KCNH5: variants seen among roughly 807,000 people sequenced by gnomAD.
KCNH5 encodes the protein voltage-gated delayed rectifier potassium channel KCNH5.
KCNH5 carries 46 observed loss-of-function variants against 96.1 expected under a neutral mutation model. That is an observed-to-expected ratio of 0.48 (90% confidence interval 0.38 to 0.61). The LOEUF (loss-of-function observed/expected upper bound fraction) is 0.61, where lower values mean the gene tolerates loss of function less well. Among genes scored for constraint, KCNH5 ranks in the 20% least tolerant of loss-of-function variants. The probability of loss-of-function intolerance (pLI) is 0.00; values close to 1 mark genes in which losing one functional copy is unlikely to be tolerated. For missense variants in KCNH5, 907 were observed against 1,225.8 expected, an observed-to-expected ratio of 0.74 and a Z score of 3.88; for synonymous variants, 439 against 449.8, an observed-to-expected ratio of 0.98 and a Z score of 0.30.
chr14:62,970,609 TA>T (rs1010598913), intron 6 of KCNH5, among the ~76,000 whole-genome samples: 7 of 152,188 alleles, frequency 4.6e-5, no homozygotes, highest in African/African-American at 1.4e-4. Flanking sequence ...ATATTTGATT[TA>T]AAAAAATTTA....
intron 7 of KCNH5, among the ~76,000 whole-genome samples, chr14:62,932,804 T>C (rs1031722110): frequency 6.6e-6 from 1 of 152,098 alleles, no homozygotes; most frequent in Non-Finnish European, 1.5e-5. Context: ...ACAGTTCCAT[T>C]AGAAGTTCAA....
chr14:62,821,441 G>T (rs1421379486), intron 8 of KCNH5, among the ~76,000 whole-genome samples: 1 of 151,920 alleles, frequency 6.6e-6, no homozygotes. Flanking sequence ...TAAACACAGG[G>T]GAAATATATT....
chr14:62,970,391 T>A (rs150260735), intron 6 of KCNH5, among the ~76,000 whole-genome samples: 36 of 152,164 alleles, frequency 2.4e-4, no homozygotes, highest in African/African-American at 7.7e-4. Context: ...GGTTCACAAG[T>A]GAAATTTATC....
At chr14:62,773,494 C>T (rs764542267) in intron 10 of KCNH5, among the ~76,000 whole-genome samples, 1 of 152,160 alleles carries the variant, frequency 6.6e-6, no homozygotes, top group Non-Finnish European at 1.5e-5. Flanking sequence ...AAGCAGGCAC[C>T]TGGTCTTTTA....
intron 10 of KCNH5, among the ~76,000 whole-genome samples, chr14:62,717,249 A>G (rs1162740448): frequency 6.6e-6 from 1 of 152,240 alleles, no homozygotes; most frequent in Non-Finnish European, 1.5e-5. Context: ...TTTCATCAAA[A>G]TTTCAACAGC....
intron 7 of KCNH5, among the ~76,000 whole-genome samples, chr14:62,893,843 A>G (rs1451874552): frequency 1.3e-5 from 2 of 152,240 alleles, no homozygotes. Context: ...ATTGTGGGTA[A>G]AATCAAACAA....
chr14:62,841,698 T>G (rs901745683), intron 8 of KCNH5, among the ~76,000 whole-genome samples: 8 of 152,238 alleles, frequency 5.3e-5, no homozygotes, highest in African/African-American at 1.9e-4. Context: ...TGAAATGTAT[T>G]ATAACCGCAA....
chr14:62,792,250 T>A (rs1475744), intron 9 of KCNH5, among the ~76,000 whole-genome samples: 87,003 of 151,170 alleles, frequency 0.58, 25,327 homozygotes, highest in South Asian at 0.8. Flanking sequence ...TCATAAATAC[T>A]AGCTTGAAGA....
At chr14:62,858,113 ACAT>A (rs1177294754) in intron 7 of KCNH5, among the ~76,000 whole-genome samples, 4 of 152,204 alleles carry the variant, frequency 2.6e-5, no homozygotes, top group Non-Finnish European at 4.4e-5. Flanking sequence ...ACAAGTATAT[ACAT>A]GCACAAACAC....
Position 62,708,179 on chromosome 14 carries a change from C to A in KCNH5, c.2296G>T (p.Ala766Ser). 6.2e-7 allele frequency: 1 copy of A among 1,614,210 alleles called. No homozygotes were observed. The highest frequency in any genetic ancestry group is 8.5e-7 in the Non-Finnish European group (1 of 1,180,044). ...AGGGATTCACTGGTTTTCACATAGG[C>A]CAGAGACGTCTGAATGGGAGTAATC... ...SQITPIQTSL[A>S]YVKTSESLKQ... The change falls in exon 11 of 11, where the codon GCC (alanine) becomes TCC (serine). Residue 766 changes from alanine (A) to serine (S), a missense_variant. Coordinates refer to ENST00000322893, the MANE Select transcript of KCNH5 (RefSeq NM_139318.5).
At chr14:62,819,149 G>A (rs955359544) in intron 8 of KCNH5, among the ~76,000 whole-genome samples, 5 of 151,986 alleles carry the variant, frequency 3.3e-5, no homozygotes, top group African/African-American at 2.4e-5. Context: ...TGTATTTTTC[G>A]TAGAGACAGG....
At chr14:62,966,576 A>G (rs1869769654) in intron 6 of KCNH5, among the ~76,000 whole-genome samples, 1 of 152,212 alleles carries the variant, frequency 6.6e-6, no homozygotes, top group Non-Finnish European at 1.5e-5. Context: ...TGTCTACATT[A>G]ACACGACTTT....
chr14:62,916,822 G>A (rs531944466), intron 7 of KCNH5, among the ~76,000 whole-genome samples: 1 of 152,262 alleles, frequency 6.6e-6, no homozygotes, highest in Admixed American at 6.5e-5. Context: ...ATCGTTTACG[G>A]CTCTCAGTCC....
intron 8 of KCNH5, among the ~76,000 whole-genome samples, chr14:62,823,686 C>T (rs1887159713): frequency 6.6e-6 from 1 of 152,052 alleles, no homozygotes; most frequent in East Asian, 1.9e-4. Context: ...CTGATTTACT[C>T]CTTTCTGGCT....
At chr14:63,039,684 C>A (rs1325302359) in intron 1 of KCNH5, among the ~76,000 whole-genome samples, 1 of 152,076 alleles carries the variant, frequency 6.6e-6, no homozygotes, top group Non-Finnish European at 1.5e-5. Context: ...AAATCCATCT[C>A]TTTACAGAAA....
chr14:62,806,183 A>C (rs1886763131), intron 8 of KCNH5, among the ~76,000 whole-genome samples: 2 of 152,178 alleles, frequency 1.3e-5, no homozygotes, highest in South Asian at 4.1e-4. Flanking sequence ...AATATGGTCT[A>C]AAAAGGGGAG....
intron 4 of KCNH5, among the ~76,000 whole-genome samples, chr14:62,988,624 G>C (rs575923037): frequency 1.3e-4 from 20 of 151,282 alleles, no homozygotes; most frequent in African/African-American, 3.6e-4. Context: ...CTAGTAATTA[G>C]AACAAAAAAA....
intron 5 of KCNH5, among the ~76,000 whole-genome samples, chr14:62,983,106 AC>A (rs1338421916): frequency 6.6e-6 from 1 of 152,190 alleles, no homozygotes. Flanking sequence ...AATAAATCAA[AC>A]TTGGGAAATA....
At chr14:63,045,015 A>T (rs1387105519) in intron 1 of KCNH5, 99 bp downstream of exon 1, 2 of 990,524 alleles carry the variant, frequency 2.0e-6, no homozygotes, top group African/African-American at 3.2e-5. Context: ...GGCTGCCTGC[A>T]TCCTCCTCCC....
Sources: gnomAD v4.1 joint callset for allele counts (sites outside exome capture counted in the v4.1 genomes callset) on GRCh38, gnomAD v4.1.1 for gene constraint, MANE v1.5 for transcripts, NCBI Gene and HGNC (gene_info 2026-07-23, HGNC 2026-07-21) for gene names.